MARCHF10: variants seen among roughly 807,000 people sequenced by gnomAD.
MARCHF10 encodes the protein membrane associated ring-CH-type finger 10.
MARCHF10 carries 64 observed loss-of-function variants against 76.2 expected under a neutral mutation model. The ratio of observed to expected loss-of-function variants is 0.84; its 90% CI spans 0.69 to 1.03. MARCHF10 has a LOEUF of 1.03. MARCHF10 is among the 50% of genes least tolerant of loss of function. The pLI, the probability that MARCHF10 is intolerant of heterozygous loss-of-function variation, is 0.00. For synonymous variants in MARCHF10, 340 were observed against 357.5 expected, an observed-to-expected ratio of 0.95 and a Z score of 0.55; for missense variants, 875 against 958.0, an observed-to-expected ratio of 0.91 and a Z score of 1.14.
intron 4 of MARCHF10, chr17:62,746,899 T>G: frequency 1.3e-6 from 2 of 1,536,120 alleles, no homozygotes; most frequent in Non-Finnish European, 8.7e-7. Flanking sequence ...TCATGGGACC[T>G]TTCTTCCCCA....
Position 62,736,309 on chromosome 17 carries a change from G to A in MARCHF10, c.1559C>T (p.Thr520Ile). Residue 520 changes from threonine (T) to isoleucine (I), a missense_variant, in exon 6 of 11, where the codon ACT becomes ATT. By Grantham distance (89) the Thr-to-Ile change is moderately conservative (BLOSUM62 -1). Transcript: ENST00000311269. ...CQPLSPIRNR[T>I]PFASAENHNY... ...ATGGTTTTCGGCACTGGCAAATGGA[G>A]TCCTATTTCTAATGGGAGACAGTGG... The A allele has an allele frequency of 1.2e-6, 2 of 1,614,188 alleles. No individual in the cohort carries two copies. The highest frequency in any genetic ancestry group is 1.7e-6 in the Non-Finnish European group (2 of 1,180,036).
intron 4 of MARCHF10, among the ~76,000 whole-genome samples, chr17:62,751,575 T>C (rs1265861517): frequency 6.6e-6 from 1 of 152,190 alleles, no homozygotes; most frequent in Non-Finnish European, 1.5e-5. Context: ...TTACTGGAGA[T>C]TCTGATGCTG....
chr17:62,772,546 C>G (rs1231123833), intron 3 of MARCHF10, among the ~76,000 whole-genome samples: 1 of 152,118 alleles, frequency 6.6e-6, no homozygotes, highest in African/African-American at 2.4e-5. Context: ...CTGAGTGAGA[C>G]AGTGAGTAAA....
intron 3 of MARCHF10, among the ~76,000 whole-genome samples, chr17:62,780,585 G>T (rs879448059): frequency 2.0e-5 from 3 of 152,122 alleles, no homozygotes; most frequent in Non-Finnish European, 4.4e-5. Context: ...GAGTCCTGGT[G>T]ACCTGGAATC....
intron 6 of MARCHF10, among the ~76,000 whole-genome samples, chr17:62,730,781 C>A (rs1409683689): frequency 2.0e-5 from 3 of 152,068 alleles, no homozygotes; most frequent in Non-Finnish European, 4.4e-5. Context: ...GTATTCCCAG[C>A]TACTCGGGAG....
chr17:62,730,819 G>C (rs927447344), intron 6 of MARCHF10, among the ~76,000 whole-genome samples: 1 of 152,042 alleles, frequency 6.6e-6, no homozygotes, highest in Admixed American at 6.6e-5. Context: ...ACTTGAACCC[G>C]GGAGGCGGAG....
At chr17:62,747,554 T>A (rs961726191) in intron 4 of MARCHF10, among the ~76,000 whole-genome samples, 2 of 152,224 alleles carry the variant, frequency 1.3e-5, no homozygotes, top group African/African-American at 4.8e-5. Flanking sequence ...ATCTTGTTAC[T>A]GTGAAGTTTA....
intron 1 of MARCHF10, among the ~76,000 whole-genome samples, chr17:62,805,202 T>C (rs961851169): frequency 6.6e-6 from 1 of 152,248 alleles, no homozygotes; most frequent in African/African-American, 2.4e-5. Flanking sequence ...AGCATTTTAA[T>C]AATCACTTAT....
At chr17:62,710,768 C>T (rs929823380) in intron 9 of MARCHF10, among the ~76,000 whole-genome samples, 5 of 151,972 alleles carry the variant, frequency 3.3e-5, no homozygotes, top group African/African-American at 1.2e-4. Context: ...ACCATGTTGG[C>T]CAGGTTGGCC....
chr17:62,724,275 C>T (rs180950112), intron 7 of MARCHF10, among the ~76,000 whole-genome samples: 123 of 151,786 alleles, frequency 8.1e-4, no homozygotes, highest in Non-Finnish European at 1.5e-3. Flanking sequence ...AAACTACAGC[C>T]GACCTACCGA....
At position 62,767,490 on chromosome 17, in the gene MARCHF10, G is replaced by A. The variant is rs370168564; in HGVS notation, c.211-7484C>T. Among the ~76,000 whole-genome samples, 68 of 126,056 alleles carry A rather than the reference G, an allele frequency of 5.4e-4. No individual in the cohort carries two copies. In the East Asian group the frequency reaches 6.8e-3, roughly 13 times the overall value. The allele number at this position is 126,056 out of a possible 152,430, so 82.7% of individuals were successfully genotyped here. ...TTTTGAGATGGAGTCTCCCTCTGTC[G>A]CCCAGGCCGGAGTGCAGTGGCATGA... On this transcript the variant is annotated intron_variant, in intron 3 of 10. Transcript: ENST00000311269.
At chr17:62,796,776 C>T (rs1208359558) in intron 2 of MARCHF10, among the ~76,000 whole-genome samples, 1 of 152,112 alleles carries the variant, frequency 6.6e-6, no homozygotes, top group African/African-American at 2.4e-5. Context: ...ATCACTTGAG[C>T]CCAGGAGTTC....
chr17:62,735,867 G>A (rs1158360841), intron 6 of MARCHF10, 64 bp downstream of exon 6: 7 of 1,480,208 alleles, frequency 4.7e-6, no homozygotes, highest in East Asian at 2.3e-5. Context: ...GCTCTCTAAC[G>A]AAAGCAATGC....
intron 2 of MARCHF10, among the ~76,000 whole-genome samples, chr17:62,791,312 G>A (rs533350277): frequency 1.3e-5 from 2 of 152,322 alleles, no homozygotes; most frequent in East Asian, 3.9e-4. Context: ...TGTCTGTGCC[G>A]TCCTAACCTA....
chr17:62,769,727 C>T (rs1163256680), intron 3 of MARCHF10, among the ~76,000 whole-genome samples: 2 of 152,128 alleles, frequency 1.3e-5, no homozygotes, highest in African/African-American at 4.8e-5. Context: ...TTCCACATTC[C>T]TTTTACAATT....
chr17:62,778,299 G>C (rs1404092548), intron 3 of MARCHF10, among the ~76,000 whole-genome samples: 1 of 152,060 alleles, frequency 6.6e-6, no homozygotes, highest in Non-Finnish European at 1.5e-5. Flanking sequence ...ACCTTGCGAA[G>C]GTATCTGAAT....
intron 7 of MARCHF10, among the ~76,000 whole-genome samples, chr17:62,722,828 G>A (rs558524591): frequency 2.0e-5 from 3 of 152,026 alleles, no homozygotes; most frequent in Admixed American, 6.6e-5. Context: ...AAATTCCCAC[G>A]ACTTTTAAAT....
chr17:62,724,322 T>A (rs2090647358), intron 7 of MARCHF10, among the ~76,000 whole-genome samples: 1 of 152,006 alleles, frequency 6.6e-6, no homozygotes, highest in African/African-American at 2.4e-5. Flanking sequence ...CTCAGGGAGT[T>A]GAGAAGGTGC....
chr17:62,710,870 T>G (rs900526925), intron 9 of MARCHF10, among the ~76,000 whole-genome samples: 2 of 152,094 alleles, frequency 1.3e-5, no homozygotes, highest in Non-Finnish European at 2.9e-5. Context: ...CAGGTTCCTC[T>G]TTTTCGCAGG....
Sources: gnomAD v4.1 joint callset for allele counts (sites outside exome capture counted in the v4.1 genomes callset) on GRCh38, gnomAD v4.1.1 for gene constraint, MANE v1.5 for transcripts, NCBI Gene and HGNC (gene_info 2026-07-23, HGNC 2026-07-21) for gene names.